The following MMAB variants were observed in gnomAD, a reference collection of about 807,000 sequenced individuals.
The protein encoded by MMAB is metabolism of cobalamin associated B, also known as corrinoid adenosyltransferase MMAB.
In MMAB, 17 loss-of-function variants were observed where a neutral mutation model predicts 30.6. The ratio of observed to expected loss-of-function variants is 0.56; its 90% CI spans 0.38 to 0.83. The LOEUF is 0.83. Ranked by LOEUF, MMAB falls within the 40% of genes least tolerant of loss-of-function variation. The probability of loss-of-function intolerance (pLI) is 0.00; values close to 1 mark genes in which losing one functional copy is unlikely to be tolerated. For synonymous variants in MMAB, 134 were observed against 138.6 expected, an observed-to-expected ratio of 0.97 and a Z score of 0.23; for missense variants, 311 against 331.6, an observed-to-expected ratio of 0.94 and a Z score of 0.48.
chr12:109,559,660 T>G (rs1392441420), intron 7 of MMAB, among the ~76,000 whole-genome samples: 1 of 152,248 alleles, frequency 6.6e-6, no homozygotes. Context: ...GCCAGTCTAT[T>G]TGCAGATACA....
intron 7 of MMAB, 134 bp downstream of exon 7, chr12:109,560,906 T>C: frequency 1.1e-6 from 1 of 886,208 alleles, no homozygotes; most frequent in Non-Finnish European, 1.8e-6. Flanking sequence ...GGCCCTGCTG[T>C]ACCTGCCTCC....
At chr12:109,564,267 T>C (rs151271502) in intron 4 of MMAB, among the ~76,000 whole-genome samples, 1 of 152,298 alleles carries the variant, frequency 6.6e-6, no homozygotes, top group African/African-American at 2.4e-5. Flanking sequence ...AGGGGCAGAA[T>C]GGCCCTGGGT....
Position 109,561,545 on chromosome 12 carries a change from G to T in MMAB, c.422-28C>A. ...GAGGAGCCAAGGAGCAGAGGGAACT[G>T]CCATGAGGCCATCACCCACCAGACC... On this transcript the variant is annotated intron_variant, in intron 5 of 8. Coordinates refer to ENST00000545712, the MANE Select transcript of MMAB (RefSeq NM_052845.4). This position sits in a 1 kb window ranked among gnomAD's most constrained non-coding sequence, Gnocchi z 5.3. 6.6e-7 allele frequency: 1 copy of T among 1,525,770 alleles called. No individual in the cohort carries two copies. Among genetic ancestry groups the T allele is most frequent in the East Asian group, 2.4e-5 (1 of 40,828 alleles). The allele number at this position is 1,525,770 out of a possible 1,614,324, so 94.5% of individuals were successfully genotyped here.
In MMAB at chr12:109,573,425, C is replaced by T. The variant is rs10774775; in HGVS notation, c.56G>A (p.Arg19His). 434,671 of 1,607,798 alleles carry T rather than the reference C, an allele frequency of 0.27. 60,788 individuals carry two copies. The highest frequency in any genetic ancestry group is 0.41 in the African/African-American group (30,314 of 74,766). ...RLGLGSRLGL[R>H]GCFGAARLLY... ...GAGCCTGGCGGCGCCGAAGCACCCG[C>T]GCAGGCCAAGACGGCTCCCCAGGCC... The change falls in exon 1 of 9, where the codon CGC becomes CAC. Residue 19 changes from arginine (R) to histidine (H), a missense_variant. Arg to His is a conservative substitution (Grantham distance 29). Coordinates refer to ENST00000545712, the MANE Select transcript of MMAB (RefSeq NM_052845.4).
chr12:109,554,075 A>T lies in MMAB; in HGVS notation c.*2953T>A. 2 of 454,126 alleles carry T rather than the reference A, an allele frequency of 4.4e-6. No individual in the cohort carries two copies. The allele number at this position is 454,126 out of a possible 1,614,324, so 28.1% of individuals were successfully genotyped here. A position where few individuals can be genotyped will look rare whatever the true frequency, so the allele number is the denominator to read the frequency against. On this transcript the variant is annotated 3_prime_UTR_variant, in exon 9 of 9. Coordinates refer to ENST00000545712, the MANE Select transcript of MMAB (RefSeq NM_052845.4). ...TCGCCACAGCCCAGGTAGTGATTAAAACGACTGTCAAGCGGCAGTGGGTGG... is the reference window on the plus strand; with the variant it reads ...TCGCCACAGCCCAGGTAGTGATTAATACGACTGTCAAGCGGCAGTGGGTGG...
chr12:109,557,077 T>C lies in MMAB; in HGVS notation c.704A>G (p.Glu235Gly), dbSNP rs1175831214. 1.2e-6 allele frequency: 2 copies of C among 1,613,976 alleles called. No homozygotes were observed. Among genetic ancestry groups the C allele is most frequent in the Non-Finnish European group, 1.7e-6 (2 of 1,179,818 alleles). Residue 235 changes from glutamate to glycine, a missense_variant, in exon 9 of 9, where the codon GAG (glutamate) becomes GGG (glycine). Glu to Gly is a moderately conservative substitution (Grantham distance 98). Transcript: ENST00000545712. ...TGGGTCATTTTTCATGTATATTTTC[T>C]CTTGATTCCCCTCCTTCATGGCTGC... ...RYAAMKEGNQEKIYMKNDPSA... is the reference protein window; with the variant it reads ...RYAAMKEGNQGKIYMKNDPSA...
At chr12:109,562,555 G>T (rs544712958) in intron 4 of MMAB, among the ~76,000 whole-genome samples, 1 of 152,256 alleles carries the variant, frequency 6.6e-6, no homozygotes, top group African/African-American at 2.4e-5. Flanking sequence ...ACACACCCAG[G>T]GACAGTCAAG....
rs1884193011 is a variant in MMAB, at chr12:109,561,346, T to TGTG, written c.519+73_519+74insCAC. 10 of 1,541,620 alleles carry TGTG rather than the reference T, an allele frequency of 6.5e-6. No homozygotes were observed. Among genetic ancestry groups the TGTG allele is most frequent in the Non-Finnish European group, 8.7e-6 (10 of 1,146,604 alleles). Reference sequence around the variant, plus strand: ...CGTCTGTCACTGTGAAAAGAGGGATTTATTCAGAGCCCATGTGTGTCTGTC... The same window carrying TGTG: ...CGTCTGTCACTGTGAAAAGAGGGATTGTGTATTCAGAGCCCATGTGTGTCTGTC... On this transcript the variant is annotated intron_variant, in intron 6 of 8. Transcript: ENST00000545712. This position sits in a 1 kb window ranked among gnomAD's most constrained non-coding sequence, Gnocchi z 5.3.
intron 4 of MMAB, among the ~76,000 whole-genome samples, chr12:109,563,860 C>T (rs1884310625): frequency 1.3e-5 from 2 of 152,170 alleles, no homozygotes; most frequent in African/African-American, 4.8e-5. Flanking sequence ...GCTGACCCTG[C>T]GGGGAGCGGT....
Position 109,558,979 on chromosome 12 carries a change from G to A in MMAB, c.644+117C>T, listed in dbSNP as rs530952386. 1.8e-5 allele frequency: 14 copies of A among 765,632 alleles called. No individual in the cohort carries two copies. Among genetic ancestry groups the A allele is most frequent in the Non-Finnish European group, 1.2e-5 (5 of 432,992 alleles). 47.4% of individuals were successfully genotyped at this position (765,632 alleles called of 1,614,324 possible). A position where few individuals can be genotyped will look rare whatever the true frequency, so the allele number is the denominator to read the frequency against. On this transcript the variant is annotated intron_variant, in intron 8 of 8. Transcript: ENST00000545712. This position sits in a 1 kb window ranked among gnomAD's most constrained non-coding sequence, Gnocchi z 4.3. ...AGATGTTCATAAACACTAAGGGAAT[G>A]AAGGAGGGGGTGCGGGAATGCTGCC...
intron 3 of MMAB, chr12:109,567,198 A>G: frequency 2.6e-6 from 1 of 386,860 alleles, no homozygotes; most frequent in Non-Finnish European, 5.1e-6. Context: ...AAGAGTGATA[A>G]TAGCTAACAT....
Position 109,557,925 on chromosome 12 carries a change from A to T in MMAB, c.645-789T>A, listed in dbSNP as rs1027984947. Among the ~76,000 whole-genome samples, 72 of 152,304 alleles carry T rather than the reference A, an allele frequency of 4.7e-4. 1 individual carries two copies. Among genetic ancestry groups the T allele is most frequent in the Admixed American group, 2.7e-3 (41 of 15,304 alleles). On this transcript the variant is annotated intron_variant, in intron 8 of 8. Transcript: ENST00000545712. ...GGGCAGCAGTGGAGGGAACTAGAGG[A>T]CGACGCCACGGGCCCCAGAAGGCGC...
At chr12:109,570,107 GA>G in intron 2 of MMAB, 1 of 330,948 alleles carries the variant, frequency 3.0e-6, no homozygotes, top group Non-Finnish European at 6.1e-6. Flanking sequence ...ACTAAAAACA[GA>G]AAAAATTAGT....
At chr12:109,563,023 C>T (rs1290084356) in intron 4 of MMAB, among the ~76,000 whole-genome samples, 2 of 152,218 alleles carry the variant, frequency 1.3e-5, no homozygotes, top group Non-Finnish European at 2.9e-5. Context: ...GCCACTGTGA[C>T]AGCATTCAAG....
chr12:109,563,500 C>G (rs1477859764), intron 4 of MMAB, among the ~76,000 whole-genome samples: 1 of 152,242 alleles, frequency 6.6e-6, no homozygotes, highest in Non-Finnish European at 1.5e-5. Context: ...AGTGCCAAGG[C>G]TGGGTGGGAG....
Position 109,561,310 on chromosome 12 carries a change from C to T in MMAB, c.519+110G>A. On this transcript the variant is annotated intron_variant, in intron 6 of 8. Transcript: ENST00000545712. The surrounding 1 kb of genome is among the most constrained non-coding windows in gnomAD (Gnocchi z 5.3). ...TGAGGACCTGGAGGGACTTGGGGAA[C>T]TGGAGGACAGCGTCTGTCACTGTGA... is the stretch of plus-strand genomic sequence containing the variant. 6.4e-7 allele frequency: 1 copy of T among 1,554,044 alleles called. No homozygotes were observed. Among genetic ancestry groups the T allele is most frequent in the Non-Finnish European group, 8.6e-7 (1 of 1,156,740 alleles).
At chr12:109,572,853 C>A (rs964150158) in intron 1 of MMAB, among the ~76,000 whole-genome samples, 3 of 152,118 alleles carry the variant, frequency 2.0e-5, no homozygotes, top group African/African-American at 7.2e-5. Context: ...TTTCAAAAAA[C>A]AATGTAAACA....
chr12:109,555,286 T>TTGTTTGTTTG lies in MMAB; in HGVS notation c.*1741_*1742insCAAACAAACA. ...ATTGCGTTTTCAGGGTTTTTTTTTT[T>TTGTTTGTTTG]TTTTTTTTTTTTTTGTGACGGAGTC... On this transcript the variant is annotated 3_prime_UTR_variant, in exon 9 of 9. Transcript: ENST00000545712. 3 of 354,768 alleles carry TTGTTTGTTTG rather than the reference T, an allele frequency of 8.5e-6. No individual in the cohort carries two copies. The highest frequency in any genetic ancestry group is 5.9e-5 in the African/African-American group (2 of 33,684). The allele number at this position is 354,768 out of a possible 1,614,324, so 22.0% of individuals were successfully genotyped here. A position where few individuals can be genotyped will look rare whatever the true frequency, so the allele number is the denominator to read the frequency against.
rs1883884677 is a variant in MMAB at position 109,554,153 on chromosome 12, C to G, written c.*2875G>C. ...ACGAGGCCGCGTCCGGGGCTCACAT[C>G]TTGGCACTGACTCCCCAGGACAACT... On this transcript the variant is annotated 3_prime_UTR_variant, in exon 9 of 9. Transcript: ENST00000545712. 2.2e-6 allele frequency: 1 copy of G among 453,762 alleles called. No individual in the cohort carries two copies. The highest frequency in any genetic ancestry group is 4.4e-6 in the Non-Finnish European group (1 of 226,470). 28.1% of individuals were successfully genotyped at this position (453,762 alleles called of 1,614,324 possible). A position where few individuals can be genotyped will look rare whatever the true frequency, so the allele number is the denominator to read the frequency against.
Sources: gnomAD v4.1 joint callset for allele counts (sites outside exome capture counted in the v4.1 genomes callset) on GRCh38, gnomAD v4.1.1 for gene constraint, Gnocchi (gnomAD v3.1) non-coding constraint, MANE v1.5 for transcripts, NCBI Gene and HGNC (gene_info 2026-07-23, HGNC 2026-07-21) for gene names.